KMO: variants seen among roughly 807,000 people sequenced by gnomAD.
KMO encodes kynurenine 3-hydroxylase.
In KMO, 24 loss-of-function variants were observed where a neutral mutation model predicts 57.8. That is an observed-to-expected ratio of 0.42 (90% confidence interval 0.30 to 0.58). The LOEUF is 0.58. Among genes scored for constraint, KMO ranks in the 20% least tolerant of loss-of-function variants. KMO has a pLI of 0.22. For missense variants in KMO, 483 were observed against 588.2 expected, an observed-to-expected ratio of 0.82 and a Z score of 1.85; for synonymous variants, 210 against 193.6, an observed-to-expected ratio of 1.08 and a Z score of -0.70.
intron 14 of KMO, among the ~76,000 whole-genome samples, chr1:241,590,499 A>T (rs781167846): frequency 7.9e-5 from 12 of 152,224 alleles, no homozygotes; most frequent in Admixed American, 1.3e-4. Flanking sequence ...ACTGATGCTA[A>T]TATTTCTCAA....
In KMO at chr1:241,566,568, T is replaced by C. The variant is rs1231546535; in HGVS notation, c.765T>C (p.Asp255=). 4 of 1,613,718 alleles carry C rather than the reference T, an allele frequency of 2.5e-6. No homozygotes were observed. Among genetic ancestry groups the C allele is most frequent in the Non-Finnish European group, 2.5e-6 (3 of 1,179,728 alleles). The change falls in exon 9 of 15, where the codon GAT becomes GAC. Residue 255 remains aspartate (D), a synonymous_variant. Coordinates refer to ENST00000366559, the MANE Select transcript of KMO (RefSeq NM_003679.5). ...TTCTAACCAGTAATGATGTGGTAGA[T>C]TTCTTCCAGAAATACTTTCCGGATG... ...EKLLTSNDVV[D]FFQKYFPDAI...
Position 241,557,049 on chromosome 1 carries a change from A to G in KMO, c.361+1389A>G, listed in dbSNP as rs113807916. Among the ~76,000 whole-genome samples the G allele has an allele frequency of 2.2e-3, 329 of 152,036 alleles. 1 individual carries two copies. Among genetic ancestry groups the G allele is most frequent in the African/African-American group, 7.0e-3 (292 of 41,458 alleles). On this transcript the variant is annotated intron_variant, in intron 5 of 14. Coordinates refer to ENST00000366559, the MANE Select transcript of KMO (RefSeq NM_003679.5). ...TAAAGCTATAGTAATGTGGCTGGAG[A>G]GTAGAGTGTAGATTCATGATATTTG...
intron 1 of KMO, among the ~76,000 whole-genome samples, chr1:241,536,846 G>A (rs1660771373): frequency 6.6e-6 from 1 of 152,122 alleles, no homozygotes; most frequent in South Asian, 2.1e-4. Context: ...TGGAATTCAA[G>A]TCAAGTCAGT....
intron 6 of KMO, 79 bp downstream of exon 6, chr1:241,560,831 C>CG (rs1661809931): frequency 1.1e-6 from 1 of 939,006 alleles, no homozygotes; most frequent in Admixed American, 1.9e-5. Context: ...TGTTCTTTGG[C>CG]TCTTTTGAAA....
intron 5 of KMO, among the ~76,000 whole-genome samples, chr1:241,556,766 G>A (rs1216267801): frequency 6.6e-6 from 1 of 152,110 alleles, no homozygotes; most frequent in Non-Finnish European, 1.5e-5. Flanking sequence ...GCACATGCCG[G>A]TAATCCCAGC....
chr1:241,577,209 T>A (rs1052986558), intron 10 of KMO, among the ~76,000 whole-genome samples: 4 of 152,136 alleles, frequency 2.6e-5, no homozygotes, highest in Admixed American at 6.5e-5. Flanking sequence ...AACTTAATAA[T>A]GTTTTGACAT....
chr1:241,549,402 T>A (rs1661310646), intron 2 of KMO, among the ~76,000 whole-genome samples: 1 of 152,068 alleles, frequency 6.6e-6, no homozygotes, highest in Non-Finnish European at 1.5e-5. Flanking sequence ...CAGGATGTGG[T>A]TCTAATTCTT....
chr1:241,547,291 T>C (rs1661186354), intron 1 of KMO, among the ~76,000 whole-genome samples: 1 of 152,212 alleles, frequency 6.6e-6, no homozygotes. Flanking sequence ...TGAATATGGT[T>C]ACATTAAAAT....
Position 241,565,043 on chromosome 1 carries a change from T to C in KMO, c.672T>C (p.Ile224=). The C allele has an allele frequency of 1.9e-6, 3 of 1,597,308 alleles. No individual in the cohort carries two copies. The highest frequency in any genetic ancestry group is 2.6e-6 in the Non-Finnish European group (3 of 1,165,134). Residue 224 remains isoleucine (I), a synonymous_variant, in exon 8 of 15, where the codon ATT becomes ATC. Coordinates refer to ENST00000366559, the MANE Select transcript of KMO (RefSeq NM_003679.5). ...HIWPRNTFMM[I]ALPNMNKSFT... is the part of the protein sequence containing the mutation. ...GGCCTAGAAATACCTTTATGATGAT[T>C]GCACTTCCTAACATGGTAGTATAGA...
chr1:241,579,755 A>T (rs1662677773), intron 10 of KMO, among the ~76,000 whole-genome samples: 1 of 152,128 alleles, frequency 6.6e-6, no homozygotes, highest in African/African-American at 2.4e-5. Flanking sequence ...TCGTGGCTGT[A>T]GCACACTTCC....
At chr1:241,582,109 G>A (rs915414755) in intron 10 of KMO, among the ~76,000 whole-genome samples, 7 of 152,206 alleles carry the variant, frequency 4.6e-5, no homozygotes, top group South Asian at 2.1e-4. Flanking sequence ...TTGTCCTAAA[G>A]GTTTCTGCTG....
At position 241,590,092 on chromosome 1, in the gene KMO, C is replaced by A. The variant is rs118152617; in HGVS notation, c.1179C>A (p.Thr393=). 1,017 of 1,613,496 alleles carry A rather than the reference C, an allele frequency of 6.3e-4. 9 individuals carry two copies. The East Asian group carries it at 0.021, about 33-fold the overall frequency. The change falls in exon 13 of 15, where the codon ACC becomes ACA. Residue 393 remains threonine (T), a synonymous_variant. Transcript: ENST00000366559. ...TTCTTCATGCGATTATGCCATCGACCTTTATCCCTCTCTATACAATGGTAA... is the reference window on the plus strand; with the variant it reads ...TTCTTCATGCGATTATGCCATCGACATTTATCCCTCTCTATACAATGGTAA... ...ERFLHAIMPS[T]FIPLYTMVTF...
chr1:241,577,649 G>A (rs549983434), intron 10 of KMO, among the ~76,000 whole-genome samples: 3 of 152,194 alleles, frequency 2.0e-5, no homozygotes, highest in South Asian at 2.1e-4. Context: ...GGCTCATCTC[G>A]TTTCCCATGA....
At chr1:241,570,663 C>T (rs1294891348) in intron 10 of KMO, among the ~76,000 whole-genome samples, 2 of 151,998 alleles carry the variant, frequency 1.3e-5, no homozygotes, top group African/African-American at 4.8e-5. Context: ...TATGCCCGTA[C>T]CATGATGTTT....
chr1:241,568,154 A>G (rs891958737), intron 9 of KMO, among the ~76,000 whole-genome samples: 1 of 152,164 alleles, frequency 6.6e-6, no homozygotes, highest in African/African-American at 2.4e-5. Flanking sequence ...GCATTTGCTC[A>G]ATTTTTTATG....
chr1:241,575,278 T>A (rs1265090354), intron 10 of KMO, among the ~76,000 whole-genome samples: 2 of 152,084 alleles, frequency 1.3e-5, no homozygotes, highest in Non-Finnish European at 2.9e-5. Flanking sequence ...TCTCCTCCGA[T>A]CTTTGTTTAT....
At chr1:241,583,820 G>T (rs917960979) in intron 10 of KMO, among the ~76,000 whole-genome samples, 1 of 151,916 alleles carries the variant, frequency 6.6e-6, no homozygotes, top group African/African-American at 2.4e-5. Flanking sequence ...ATTCTGTTCA[G>T]TTAGAAAAAA....
intron 1 of KMO, 92 bp from the exon 2 acceptor site, chr1:241,548,737 A>T: frequency 2.7e-6 from 2 of 731,880 alleles, no homozygotes; most frequent in Non-Finnish European, 4.6e-6. Context: ...GAGGCTAGTA[A>T]AACATAGCCT....
chr1:241,592,102 C>T lies in KMO; in HGVS notation c.1410C>T (p.Pro470=), dbSNP rs150853900. 27 of 1,613,748 alleles carry T rather than the reference C, an allele frequency of 1.7e-5. No homozygotes were observed. Among genetic ancestry groups the T allele is most frequent in the East Asian group, 4.5e-5 (2 of 44,846 alleles). The part of the protein sequence containing the change: ...IAHFRNTTCF[P]AKAVDSLEQI... The stretch of plus-strand genomic sequence containing the variant: ...ACTTCCGGAATACAACATGTTTCCC[C>T]GCAAAGGCCGTGGACTCCCTAGAAC... The change falls in exon 15 of 15, where the codon CCC becomes CCT. Residue 470 remains proline (P), a synonymous_variant. Transcript: ENST00000366559.
Sources: allele counts gnomAD v4.1 joint callset (sites outside exome capture counted in the v4.1 genomes callset), GRCh38; gene constraint gnomAD v4.1.1; transcripts MANE v1.5; gene names NCBI Gene and HGNC (gene_info 2026-07-23, HGNC 2026-07-21).